The following TUBGCP5 variants were observed in gnomAD, a reference collection of about 807,000 sequenced individuals.
TUBGCP5 encodes the protein gamma-tubulin complex component 5.
Under a neutral mutation model 134.7 loss-of-function variants are expected in TUBGCP5, and 98 were observed. That is an observed-to-expected ratio of 0.73 (90% confidence interval 0.62 to 0.86). The LOEUF (loss-of-function observed/expected upper bound fraction) is 0.86. Ranked by LOEUF, TUBGCP5 falls within the 40% of genes least tolerant of loss-of-function variation. The probability of loss-of-function intolerance (pLI) is 0.00; values close to 1 mark genes in which losing one functional copy is unlikely to be tolerated. For synonymous variants in TUBGCP5, 456 were observed against 431.4 expected, an observed-to-expected ratio of 1.06 and a Z score of -0.71; for missense variants, 1,150 against 1,244.8, an observed-to-expected ratio of 0.92 and a Z score of 1.15.
At chr15:22,989,831 C>T (rs2063794013) in intron 23 of TUBGCP5, among the ~76,000 whole-genome samples, 1 of 152,190 alleles carries the variant, frequency 6.6e-6, no homozygotes, top group Non-Finnish European at 1.5e-5. Flanking sequence ...GCTGTGGGAA[C>T]CTTGGTTGGG....
chr15:23,028,234 G>C (rs1194207330), intron 6 of TUBGCP5, among the ~76,000 whole-genome samples: 1 of 151,944 alleles, frequency 6.6e-6, no homozygotes, highest in African/African-American at 2.4e-5. Context: ...AACAAACTTA[G>C]CTGGGTGTGG....
At chr15:23,000,197 G>A (rs538019593) in intron 22 of TUBGCP5, 21 of 1,064,394 alleles carry the variant, frequency 2.0e-5, no homozygotes, top group East Asian at 1.9e-4. Flanking sequence ...ATGAGCCACC[G>A]CGCCAGGCCA....
chr15:23,035,072 A>C (rs752942191), intron 3 of TUBGCP5, among the ~76,000 whole-genome samples: 5 of 152,132 alleles, frequency 3.3e-5, no homozygotes, highest in Non-Finnish European at 7.3e-5. Flanking sequence ...TCATGCCTGT[A>C]ATCCCAGCAC....
At chr15:23,035,558 C>G (rs1268505953) in intron 3 of TUBGCP5, among the ~76,000 whole-genome samples, 1 of 152,056 alleles carries the variant, frequency 6.6e-6, no homozygotes, top group African/African-American at 2.4e-5. Flanking sequence ...GGGGTTTGCT[C>G]TCCTATGAGA....
chr15:23,010,204 G>T (rs528509653), intron 14 of TUBGCP5, 71 bp from the exon 15 acceptor site: 3 of 1,474,336 alleles, frequency 2.0e-6, no homozygotes, highest in Non-Finnish European at 2.8e-6. Flanking sequence ...TCAAAACCCT[G>T]AAGTTCCATT....
chr15:23,034,719 C>T (rs563988734), intron 3 of TUBGCP5, among the ~76,000 whole-genome samples: 69 of 151,960 alleles, frequency 4.5e-4, no homozygotes, highest in Non-Finnish European at 7.7e-4. Flanking sequence ...ATTAGCCGGG[C>T]GGGGTGGTGT....
chr15:23,021,307 T>C (rs118038619), intron 11 of TUBGCP5, among the ~76,000 whole-genome samples: 2,874 of 152,142 alleles, frequency 0.019, 77 homozygotes, highest in Admixed American at 0.081. Context: ...ATAAAATATA[T>C]AACATAAAAT....
intron 23 of TUBGCP5, among the ~76,000 whole-genome samples, chr15:22,992,734 T>C (rs2063888666): frequency 6.6e-6 from 1 of 152,148 alleles, no homozygotes; most frequent in African/African-American, 2.4e-5. Flanking sequence ...AAGAATGTTG[T>C]TATTGGAAAT....
Position 23,032,806 on chromosome 15 carries a change from T to C in TUBGCP5, c.328A>G (p.Ile110Val). 1 of 1,581,872 alleles carries C rather than the reference T, an allele frequency of 6.3e-7. No individual in the cohort carries two copies. The change falls in exon 4 of 23, where the codon ATA (isoleucine) becomes GTA (valine). Residue 110 changes from isoleucine (I) to valine (V), a missense_variant. Ile to Val is a conservative substitution (Grantham distance 29, BLOSUM62 3). Around this residue, in one of 2 missense-constraint regions of TUBGCP5, gnomAD observed 453 missense variants for 394.7 expected, o/e 1.15. Coordinates refer to ENST00000615383, the MANE Select transcript of TUBGCP5 (RefSeq NM_052903.6). The stretch of plus-strand genomic sequence containing the variant: ...GACAGACACAGAAGAAGTGACAGTA[T>C]GGAATAATGTGCATCTGTCTTTAAA... Reference protein sequence around the residue: ...KEIKTDAHYSILSLLLCLSDS... With the variant: ...KEIKTDAHYSVLSLLLCLSDS...
chr15:23,009,402 G>T, intron 15 of TUBGCP5, among the ~76,000 whole-genome samples: 1 of 151,778 alleles, frequency 6.6e-6, no homozygotes, highest in Non-Finnish European at 1.5e-5. Context: ...CAGAGTAACT[G>T]GGACTACAGG....
At chr15:23,038,200 G>A (rs1410173204) in intron 1 of TUBGCP5, among the ~76,000 whole-genome samples, 2 of 152,134 alleles carry the variant, frequency 1.3e-5, no homozygotes, top group Non-Finnish European at 2.9e-5. Flanking sequence ...CCATTTTTTA[G>A]TATCAAAGCG....
downstream of TUBGCP5, among the ~76,000 whole-genome samples, chr15:22,998,701 GCCT>G (rs2064207785): frequency 6.6e-6 from 1 of 151,332 alleles, no homozygotes; most frequent in Non-Finnish European, 1.5e-5. Context: ...CGCAACCTCT[GCCT>G]CCTGGGTTCA....
In TUBGCP5 at chr15:23,039,486, G is replaced by T. The variant is rs367581124; in HGVS notation, c.58C>A (p.Arg20=). 21 of 1,524,292 alleles carry T rather than the reference G, an allele frequency of 1.4e-5. No individual in the cohort carries two copies. Among genetic ancestry groups the T allele is most frequent in the African/African-American group, 4.3e-5 (3 of 70,248 alleles). The allele number at this position is 1,524,292 out of a possible 1,614,324, so 94.4% of individuals were successfully genotyped here. ...CCGGCGACACCCCGGACGAGCTCCC[G>T]CACGTCGCGCTCCTGCTGCGCGTCC... ...RLDAQQERDV[R]ELVRGVAGLQ... The change falls in exon 1 of 23, where the codon CGG becomes AGG. Residue 20 remains arginine, a synonymous_variant. Transcript: ENST00000615383.
Position 22,999,669 on chromosome 15 carries a change from G to A in TUBGCP5, c.*151C>T, listed in dbSNP as rs2064256066. The A allele has an allele frequency of 3.7e-6, 3 of 800,552 alleles. No individual in the cohort carries two copies. Among genetic ancestry groups the A allele is most frequent in the Admixed American group, 4.7e-5 (2 of 42,984 alleles). The allele number at this position is 800,552 out of a possible 1,614,324, so 49.6% of individuals were successfully genotyped here. A position where few individuals can be genotyped will look rare whatever the true frequency, so the allele number is the denominator to read the frequency against. On this transcript the variant is annotated 3_prime_UTR_variant, in exon 23 of 23. Coordinates refer to ENST00000615383, the MANE Select transcript of TUBGCP5 (RefSeq NM_052903.6). ...GCCTGTCTTGGCCTCCCATCGTGCT[G>A]GGATTAGAGGCATGAGCGACTGTGC...
intron 6 of TUBGCP5, among the ~76,000 whole-genome samples, chr15:23,028,807 A>T (rs1237404445): frequency 6.6e-6 from 1 of 152,140 alleles, no homozygotes; most frequent in Non-Finnish European, 1.5e-5. Flanking sequence ...GGGCCAGAAA[A>T]GAGATTTGAT....
intron 3 of TUBGCP5, among the ~76,000 whole-genome samples, chr15:23,034,398 T>C (rs1326448060): frequency 6.6e-6 from 1 of 152,144 alleles, no homozygotes; most frequent in Admixed American, 6.5e-5. Flanking sequence ...CTATGATTAA[T>C]ATGCTAAGAG....
chr15:23,009,806 T>C (rs17742788), intron 15 of TUBGCP5, 139 bp downstream of exon 15: 40,981 of 583,942 alleles, frequency 0.07, 1,648 homozygotes, highest in African/African-American at 0.13. Context: ...TGATGGTCAA[T>C]TGATTTCTCT....
chr15:22,991,905 T>C (rs1038743463), intron 23 of TUBGCP5, among the ~76,000 whole-genome samples: 1 of 152,156 alleles, frequency 6.6e-6, no homozygotes. Flanking sequence ...AGGCAAGGCA[T>C]ATTTAACATT....
chr15:23,031,561 G>A (rs972551891), intron 5 of TUBGCP5, among the ~76,000 whole-genome samples: 7 of 151,774 alleles, frequency 4.6e-5, no homozygotes, highest in East Asian at 1.9e-4. Flanking sequence ...CAAGTGATCC[G>A]CCTACCTCAG....
Sources: gnomAD v4.1 joint callset for allele counts (sites outside exome capture counted in the v4.1 genomes callset) on GRCh38, gnomAD v4.1.1 for gene constraint, gnomAD v4.1.1 regional missense constraint, MANE v1.5 for transcripts, NCBI Gene and HGNC (gene_info 2026-07-23, HGNC 2026-07-21) for gene names.